The following OSBPL3 variants were observed in gnomAD, a reference collection of about 807,000 sequenced individuals.
OSBPL3 encodes oxysterol binding protein like 3, also known as oxysterol-binding protein-related protein 3.
Under a neutral mutation model 120.1 loss-of-function variants are expected in OSBPL3, and 65 were observed. That is an observed-to-expected ratio of 0.54 (90% CI 0.44 to 0.67). The LOEUF (loss-of-function observed/expected upper bound fraction) is 0.67. Among genes scored for constraint, OSBPL3 ranks in the 30% least tolerant of loss-of-function variants. The pLI is 0.00. For missense variants in OSBPL3, 1,004 were observed against 1,082.1 expected, an observed-to-expected ratio of 0.93 and a Z score of 1.01; for synonymous variants, 416 against 402.6, an observed-to-expected ratio of 1.03 and a Z score of -0.40.
At chr7:24,844,101 C>G (rs891030561) in intron 12 of OSBPL3, among the ~76,000 whole-genome samples, 7 of 152,316 alleles carry the variant, frequency 4.6e-5, no homozygotes, top group Admixed American at 2.0e-4. Flanking sequence ...GTACTGTAAA[C>G]TCACCAGCAC....
Position 24,808,871 on chromosome 7 carries a change from A to G in OSBPL3, c.2317+936T>C, listed in dbSNP as rs1429268193. 2.0e-5 allele frequency among the ~76,000 whole-genome samples: 3 copies of G among 152,192 alleles called. No homozygotes were observed. Among genetic ancestry groups the G allele is most frequent in the African/African-American group, 7.2e-5 (3 of 41,450 alleles). On this transcript the variant is annotated intron_variant, in intron 20 of 22. Coordinates refer to ENST00000313367, the MANE Select transcript of OSBPL3 (RefSeq NM_015550.4). This position sits in a 1 kb window ranked among gnomAD's most constrained non-coding sequence, Gnocchi z 4.6. ...TTAGGAAATGTTCCTGAGAAAAGAG[A>G]GGCACGAGAGAGGAAAGCTCTTTTG...
intron 12 of OSBPL3, among the ~76,000 whole-genome samples, chr7:24,847,039 G>A (rs1253962054): frequency 1.3e-4 from 18 of 141,352 alleles, no homozygotes; most frequent in South Asian, 4.6e-4. Context: ...CAGCCTGGGC[G>A]ACAGAGCGAG....
chr7:24,967,443 T>C lies in OSBPL3; in HGVS notation c.-150+12443A>G, dbSNP rs928849872. 6.6e-6 allele frequency among the ~76,000 whole-genome samples: 1 copy of C among 152,178 alleles called. No individual in the cohort carries two copies. The highest frequency in any genetic ancestry group is 1.5e-5 in the Non-Finnish European group (1 of 68,026). ...AGGACACTTCAAGGTCCTGCTCTAT[T>C]AACACCCTTCCCATGAGATCTCTCC... On this transcript the variant is annotated intron_variant, in intron 1 of 22. Transcript: ENST00000313367. This position sits in a 1 kb window ranked among gnomAD's most constrained non-coding sequence, Gnocchi z 5.6.
intron 1 of OSBPL3, among the ~76,000 whole-genome samples, chr7:24,969,693 C>A (rs527278578): frequency 1.3e-5 from 2 of 152,248 alleles, no homozygotes; most frequent in Admixed American, 6.5e-5. Flanking sequence ...AACCCTACTC[C>A]CAACCCCTAG....
At chr7:24,839,234 C>T (rs1797390897) in intron 14 of OSBPL3, among the ~76,000 whole-genome samples, 1 of 152,140 alleles carries the variant, frequency 6.6e-6, no homozygotes, top group Non-Finnish European at 1.5e-5. Flanking sequence ...CTAGAGACTC[C>T]AAGGCAGACT....
intron 10 of OSBPL3, among the ~76,000 whole-genome samples, chr7:24,853,729 C>T (rs1167977412): frequency 2.0e-5 from 3 of 152,138 alleles, no homozygotes; most frequent in Non-Finnish European, 4.4e-5. Context: ...ATGAATTCTA[C>T]TCTCAAATGG....
chr7:24,935,433 A>T (rs1463017746), intron 1 of OSBPL3, among the ~76,000 whole-genome samples: 3 of 152,162 alleles, frequency 2.0e-5, no homozygotes, highest in Non-Finnish European at 2.9e-5. Flanking sequence ...TTTCCATAAA[A>T]TGTTATCTCA....
rs1799706473 is a variant in OSBPL3, at chr7:24,855,334, G to C, written c.1028-2700C>G. On this transcript the variant is annotated intron_variant, in intron 10 of 22. Coordinates refer to ENST00000313367, the MANE Select transcript of OSBPL3 (RefSeq NM_015550.4). The surrounding 1 kb of genome is among the most constrained non-coding windows in gnomAD (Gnocchi z 4.3). ...TCCAAATCAATTCCTCTGGCTTCCA[G>C]GTGACCTACAGAAAAACAAGGCTTT... 6.6e-6 allele frequency among the ~76,000 whole-genome samples: 1 copy of C among 152,130 alleles called. No individual in the cohort carries two copies. Among genetic ancestry groups the C allele is most frequent in the African/African-American group, 2.4e-5 (1 of 41,426 alleles).
Position 24,816,599 on chromosome 7 carries a change from G to A in OSBPL3, c.2027+11C>T, listed in dbSNP as rs760039436. The A allele has an allele frequency of 2.5e-6, 4 of 1,595,102 alleles. No individual in the cohort carries two copies. The African/African-American group carries it at 5.4e-5, about 21-fold the overall frequency. On this transcript the variant is annotated intron_variant, in intron 18 of 22. Coordinates refer to ENST00000313367, the MANE Select transcript of OSBPL3 (RefSeq NM_015550.4). ...TCCATAAAGCTCCTTAACCACAGAAGAAGAACTTACACTGGCAGAGTCACA... is the reference window on the plus strand; with the variant it reads ...TCCATAAAGCTCCTTAACCACAGAAAAAGAACTTACACTGGCAGAGTCACA...
At chr7:24,917,534 C>T (rs899771194) in intron 1 of OSBPL3, among the ~76,000 whole-genome samples, 1 of 150,752 alleles carries the variant, frequency 6.6e-6, no homozygotes, top group African/African-American at 2.4e-5. Context: ...CTAATTTAAG[C>T]TCTCACTTTT....
At position 24,902,701 on chromosome 7, in the gene OSBPL3, A is replaced by AATAATAATAATAAT. The variant is rs372642745; in HGVS notation, c.-149-10081_-149-10080insATTATTATTATTAT. Among the ~76,000 whole-genome samples the AATAATAATAATAAT allele has an allele frequency of 2.7e-3, 384 of 144,016 alleles. 4 individuals carry two copies. Among genetic ancestry groups the AATAATAATAATAAT allele is most frequent in the East Asian group, 9.1e-3 (45 of 4,926 alleles). 94.5% of individuals were successfully genotyped at this position (144,016 alleles called of 152,430 possible). On this transcript the variant is annotated intron_variant, in intron 1 of 22. Coordinates refer to ENST00000313367, the MANE Select transcript of OSBPL3 (RefSeq NM_015550.4). ...TCTATGGTCATTTACAAGAGAAAAT[A>AATAATAATAATAAT]AATAATAATAATAATAATAATAATA... is the stretch of plus-strand genomic sequence containing the variant.
intron 1 of OSBPL3, among the ~76,000 whole-genome samples, chr7:24,970,202 G>A (rs1816854863): frequency 7.0e-6 from 1 of 143,504 alleles, no homozygotes; most frequent in African/African-American, 2.6e-5. Flanking sequence ...CCACCTCCCC[G>A]GTTCAAGCGA....
At chr7:24,958,512 T>G (rs1217343094) in intron 1 of OSBPL3, among the ~76,000 whole-genome samples, 1 of 152,174 alleles carries the variant, frequency 6.6e-6, no homozygotes, top group African/African-American at 2.4e-5. Context: ...CAAAATTTCT[T>G]GACAGTCAAG....
intron 22 of OSBPL3, among the ~76,000 whole-genome samples, chr7:24,801,418 C>T (rs776382840): frequency 1.3e-5 from 2 of 152,170 alleles, no homozygotes; most frequent in African/African-American, 4.8e-5. Context: ...CCTGATTCTT[C>T]TCCTCAGAGG....
chr7:24,804,474 A>G lies in OSBPL3; in HGVS notation c.2445-37T>C, dbSNP rs1221452262. On this transcript the variant is annotated intron_variant, in intron 21 of 22. Coordinates refer to ENST00000313367, the MANE Select transcript of OSBPL3 (RefSeq NM_015550.4). The surrounding 1 kb of genome is among the most constrained non-coding windows in gnomAD (Gnocchi z 5.4). ...AGGAAAAAAAAATGAAAGGATATGA[A>G]TTCAAGAAAACAAAACAATCATTAC... 6.3e-7 allele frequency: 1 copy of G among 1,597,538 alleles called. No individual in the cohort carries two copies. The highest frequency in any genetic ancestry group is 8.5e-7 in the Non-Finnish European group (1 of 1,169,678).
intron 18 of OSBPL3, among the ~76,000 whole-genome samples, chr7:24,816,163 T>C (rs886902758): frequency 6.6e-6 from 1 of 152,206 alleles, no homozygotes; most frequent in Non-Finnish European, 1.5e-5. Flanking sequence ...TAGCTGGGAC[T>C]ACAGGTGCGT....
At chr7:24,978,420 C>G (rs1817821204) in intron 1 of OSBPL3, among the ~76,000 whole-genome samples, 1 of 152,146 alleles carries the variant, frequency 6.6e-6, no homozygotes. Context: ...ATTCCTGGTA[C>G]TTACATCCTA....
intron 1 of OSBPL3, among the ~76,000 whole-genome samples, chr7:24,979,102 C>A (rs1377085270): frequency 6.6e-6 from 1 of 152,076 alleles, no homozygotes; most frequent in Non-Finnish European, 1.5e-5. Context: ...TTTACCTGAC[C>A]ACGGAATAAA....
At position 24,900,307 on chromosome 7, in the gene OSBPL3, G is replaced by A. The variant is rs1175303479; in HGVS notation, c.-149-7686C>T. Among the ~76,000 whole-genome samples, 1 of 152,194 alleles carries A rather than the reference G, an allele frequency of 6.6e-6. No individual in the cohort carries two copies. The highest frequency in any genetic ancestry group is 2.4e-5 in the African/African-American group (1 of 41,452). On this transcript the variant is annotated intron_variant, in intron 1 of 22. Transcript: ENST00000313367. This position sits in a 1 kb window ranked among gnomAD's most constrained non-coding sequence, Gnocchi z 4.5. Reference sequence around the variant, plus strand: ...CCTTTGGTATACAGCAGGTCCTCGAGTAATGTTGTTTTATTTAACTTTGTT... The same window carrying A: ...CCTTTGGTATACAGCAGGTCCTCGAATAATGTTGTTTTATTTAACTTTGTT...
Sources: gnomAD v4.1 joint callset for allele counts (sites outside exome capture counted in the v4.1 genomes callset) on GRCh38, gnomAD v4.1.1 for gene constraint, Gnocchi (gnomAD v3.1) non-coding constraint, MANE v1.5 for transcripts, NCBI Gene and HGNC (gene_info 2026-07-23, HGNC 2026-07-21) for gene names.